EFCAB10: variants seen among roughly 807,000 people sequenced by gnomAD.
EFCAB10 encodes the protein EF-hand calcium-binding domain-containing protein 10.
In EFCAB10, 7 loss-of-function variants were observed where a neutral mutation model predicts 7.7. The ratio of observed to expected loss-of-function variants is 0.91; its 90% CI spans 0.52 to 1.72. The LOEUF is 1.72. EFCAB10 is among the 40% of genes most tolerant of loss of function. The pLI is 0.00. For missense variants in EFCAB10, 112 were observed against 61.5 expected (o/e 1.82, Z -2.74); for synonymous variants, 52 against 21.0 (o/e 2.47, Z -4.03).
chr7:105,572,141 C>G (rs999367115), intron 1 of EFCAB10: 4 of 152,178 alleles, frequency 2.6e-5, no homozygotes, highest in Non-Finnish European at 5.9e-5. Context: ...CCATGATATA[C>G]AGTAGATCTC....
chr7:105,569,214 G>A lies in EFCAB10; in HGVS notation c.348C>T (p.Phe116=), dbSNP rs1791873387. The change falls in exon 3 of 5, where the codon TTC becomes TTT. Residue 116 remains phenylalanine (F), a synonymous_variant. Coordinates refer to ENST00000480514, the MANE Select transcript of EFCAB10 (RefSeq NM_001355526.2). Reference sequence around the variant, plus strand: ...AAAAATAAACTTACACTTCCTCCTTGAATTTATCCAAAGTTATTTTATGTC... The same window carrying A: ...AAAAATAAACTTACACTTCCTCCTTAAATTTATCCAAAGTTATTTTATGTC... The part of the protein sequence containing the change: ...DDGHKITLDK[F]KEEVNKRMKE... 1 of 700,814 alleles carries A rather than the reference G, an allele frequency of 1.4e-6. No homozygotes were observed. The highest frequency in any genetic ancestry group is 1.5e-5 in the South Asian group (1 of 67,316). The allele number at this position is 700,814 out of a possible 1,614,324, so 43.4% of individuals were successfully genotyped here. A position where few individuals can be genotyped will look rare whatever the true frequency, so the allele number is the denominator to read the frequency against.
At chr7:105,576,930 T>C (rs915363585) in intron 1 of EFCAB10, among the ~76,000 whole-genome samples, 1 of 152,122 alleles carries the variant, frequency 6.6e-6, no homozygotes, top group Admixed American at 6.5e-5. Flanking sequence ...GGTTTGCACC[T>C]GTAATCCCAG....
At chr7:105,574,920 ACT>A (rs1792037662) in intron 1 of EFCAB10, among the ~76,000 whole-genome samples, 1 of 147,488 alleles carries the variant, frequency 6.8e-6, no homozygotes, top group Admixed American at 6.7e-5. Context: ...ACATGGTGAA[ACT>A]CTATCCCTAC....
At position 105,565,480 on chromosome 7, in the gene EFCAB10, T is replaced by G. The variant is rs759097634; in HGVS notation, c.*-33A>C. The G allele has an allele frequency of 3.1e-5, 50 of 1,610,944 alleles. No individual in the cohort carries two copies. In the African/African-American group the frequency reaches 5.9e-4, roughly 19 times the overall value. On this transcript the variant is annotated intron_variant, in intron 4 of 4. Coordinates refer to ENST00000480514, the MANE Select transcript of EFCAB10 (RefSeq NM_001355526.2). ...GAAGTAAGTAAGAATAGACTGTTTT[T>G]GGGCTGTGATAATAAAGACAACTGT...
chr7:105,576,004 T>G (rs1472642913), intron 1 of EFCAB10, among the ~76,000 whole-genome samples: 1 of 152,030 alleles, frequency 6.6e-6, no homozygotes, highest in Non-Finnish European at 1.5e-5. Flanking sequence ...GCCATTGCAC[T>G]CCAGCCTGGG....
intron 3 of EFCAB10, among the ~76,000 whole-genome samples, chr7:105,568,852 A>G (rs1184339967): frequency 1.3e-5 from 2 of 151,540 alleles, no homozygotes; most frequent in African/African-American, 4.8e-5. Flanking sequence ...TGGGAAGCTG[A>G]GGCAGGAGAA....
chr7:105,581,222 G>T lies in EFCAB10; in HGVS notation c.106+136C>A. On this transcript the variant is annotated intron_variant, in intron 1 of 4. Transcript: ENST00000480514. The stretch of plus-strand genomic sequence containing the variant: ...GCAGCCTGAGGGACTTTTATTGAAG[G>T]CCGCAGAGTTAATCAACAGCAGAAG... 18 of 605,060 alleles carry T rather than the reference G, an allele frequency of 3.0e-5. 1 individual carries two copies. In the South Asian group the frequency reaches 3.5e-4, roughly 12 times the overall value. The allele number at this position is 605,060 out of a possible 1,614,324, so 37.5% of individuals were successfully genotyped here. A position where few individuals can be genotyped will look rare whatever the true frequency, so the allele number is the denominator to read the frequency against.
chr7:105,579,626 TG>T (rs1334105125), intron 1 of EFCAB10, among the ~76,000 whole-genome samples: 1 of 152,144 alleles, frequency 6.6e-6, no homozygotes, highest in East Asian at 1.9e-4. Flanking sequence ...GGAAGATGGG[TG>T]TGAGTGGGAA....
intron 4 of EFCAB10, chr7:105,567,110 C>G (rs1322110121): frequency 6.6e-7 from 1 of 1,512,384 alleles, no homozygotes; most frequent in South Asian, 1.4e-5. Flanking sequence ...CTTTGTTTTC[C>G]CTAAACAGTA....
chr7:105,566,352 G>T (rs924810578), intron 4 of EFCAB10: 3 of 152,056 alleles, frequency 2.0e-5, no homozygotes, highest in Non-Finnish European at 4.4e-5. Flanking sequence ...TATAGTTTCA[G>T]AATTTGTTGA....
At position 105,569,535 on chromosome 7, in the gene EFCAB10, C is replaced by T. The variant is rs763532120; in HGVS notation, c.143G>A (p.Arg48Gln). 4.7e-5 allele frequency: 33 copies of T among 702,274 alleles called. 1 individual carries two copies. Among genetic ancestry groups the T allele is most frequent in the South Asian group, 3.0e-4 (20 of 67,374 alleles). The allele number at this position is 702,274 out of a possible 1,614,324, so 43.5% of individuals were successfully genotyped here. A position where few individuals can be genotyped will look rare whatever the true frequency, so the allele number is the denominator to read the frequency against. Reference protein sequence around the residue: ...PKEYLISLLERLRIAKVTGVA... With the variant: ...PKEYLISLLEQLRIAKVTGVA... ...GCCTGTTACTTTTGCAATTCTCAGT[C>T]GTTCCAATAGAGATATTAAATATTC... Residue 48 changes from arginine (R) to glutamine (Q), a missense_variant, in exon 2 of 5, where the codon CGA becomes CAA. Coordinates refer to ENST00000480514, the MANE Select transcript of EFCAB10 (RefSeq NM_001355526.2).
intron 1 of EFCAB10, among the ~76,000 whole-genome samples, chr7:105,574,145 T>C (rs376550193): frequency 1.5e-4 from 19 of 126,982 alleles, no homozygotes; most frequent in South Asian, 5.1e-4. Context: ...TATATATATA[T>C]ACACATACAT....
At position 105,568,885 on chromosome 7, in the gene EFCAB10, G is replaced by A. The variant is rs911198302; in HGVS notation, c.359+318C>T. On this transcript the variant is annotated intron_variant, in intron 3 of 4. Coordinates refer to ENST00000480514, the MANE Select transcript of EFCAB10 (RefSeq NM_001355526.2). The stretch of plus-strand genomic sequence containing the variant: ...GAATCGCTTGAACCCGGGAGGTGGA[G>A]GTTGCAGTGAGCCGACATATTGCCA... Among the ~76,000 whole-genome samples the A allele has an allele frequency of 2.6e-5, 4 of 151,402 alleles. No individual in the cohort carries two copies. In the East Asian group the frequency reaches 7.7e-4, roughly 29 times the overall value.
intron 1 of EFCAB10, among the ~76,000 whole-genome samples, chr7:105,575,938 G>A (rs1039778820): frequency 6.6e-6 from 1 of 152,104 alleles, no homozygotes; most frequent in African/African-American, 2.4e-5. Context: ...TAGGGAGGCT[G>A]AGGCAGGAGA....
intron 1 of EFCAB10, 149 bp downstream of exon 1, chr7:105,581,209 A>G (rs755141887): frequency 1.5e-4 from 87 of 598,058 alleles, no homozygotes; most frequent in Non-Finnish European, 2.4e-4. Flanking sequence ...AGCCTGAGGG[A>G]CTTTTATTGA....
At chr7:105,574,272 C>T (rs995527362) in intron 1 of EFCAB10, among the ~76,000 whole-genome samples, 2 of 150,510 alleles carry the variant, frequency 1.3e-5, no homozygotes, top group Admixed American at 6.6e-5. Context: ...TACATATACA[C>T]AGTATATATA....
rs986540926 is a variant in EFCAB10, at chr7:105,565,351, C to A, written c.*96G>T. 1 of 1,614,184 alleles carries A rather than the reference C, an allele frequency of 6.2e-7. No individual in the cohort carries two copies. Among genetic ancestry groups the A allele is most frequent in the Non-Finnish European group, 8.5e-7 (1 of 1,180,010 alleles). On this transcript the variant is annotated 3_prime_UTR_variant, in exon 5 of 5. Transcript: ENST00000480514. ...AGTTCGGCTTGCCCGTTGCTGCTGA[C>A]GTTACGAGACCATTTACTTCAGTTG...
chr7:105,568,323 A>T (rs1791844375), intron 3 of EFCAB10, among the ~76,000 whole-genome samples: 1 of 152,226 alleles, frequency 6.6e-6, no homozygotes, highest in Non-Finnish European at 1.5e-5. Context: ...AAAACTCTTT[A>T]AAAAATTGAG....
At chr7:105,568,718 G>A (rs1302027025) in intron 3 of EFCAB10, among the ~76,000 whole-genome samples, 1 of 152,104 alleles carries the variant, frequency 6.6e-6, no homozygotes, top group East Asian at 1.9e-4. Context: ...GAGAGGCCGA[G>A]GCAGTGGATC....
Sources: gnomAD v4.1 joint callset for allele counts (sites outside exome capture counted in the v4.1 genomes callset) on GRCh38, gnomAD v4.1.1 for gene constraint, MANE v1.5 for transcripts, NCBI Gene and HGNC (gene_info 2026-07-23, HGNC 2026-07-21) for gene names.